Variants in ZBBX observed in about 807,000 individuals in gnomAD.
ZBBX encodes the protein zinc finger B-box domain containing, also known as zinc finger B-box domain-containing protein 1.
In ZBBX, 101 loss-of-function variants were observed where a neutral mutation model predicts 108.5. The ratio of observed to expected loss-of-function variants is 0.93; its 90% confidence interval spans 0.79 to 1.10. The LOEUF (loss-of-function observed/expected upper bound fraction) is 1.10, where lower values mean the gene tolerates loss of function less well. Ranked by LOEUF, ZBBX falls within the 50% of genes least tolerant of loss-of-function variation. ZBBX has a pLI of 0.00. For synonymous variants in ZBBX, 356 were observed against 323.4 expected (o/e 1.10, Z -1.08); for missense variants, 1,009 against 941.4 (o/e 1.07, Z -0.94).
At chr3:167,195,892 A>G in the ZBBX span, among the ~76,000 whole-genome samples, 11 of 152,332 alleles carry the variant, frequency 7.2e-5, no homozygotes, top group Middle Eastern at 3.4e-3. Flanking sequence ...GAAGTTCAAG[A>G]GTTTTATCTT....
chr3:167,265,226 G>A (rs930193228), intron 20 of ZBBX, among the ~76,000 whole-genome samples: 8 of 152,200 alleles, frequency 5.3e-5, no homozygotes, highest in Non-Finnish European at 1.0e-4. Context: ...AGAGTCCAAG[G>A]CCTGTGGTGT....
At chr3:167,185,847 G>A in the ZBBX span, among the ~76,000 whole-genome samples, 1 of 151,940 alleles carries the variant, frequency 6.6e-6, no homozygotes, top group Non-Finnish European at 1.5e-5. Flanking sequence ...CATTAATCTA[G>A]GTAGTTAAGA....
intron 20 of ZBBX, among the ~76,000 whole-genome samples, chr3:167,271,873 C>T (rs571872700): frequency 5.3e-5 from 8 of 152,236 alleles, no homozygotes; most frequent in African/African-American, 1.4e-4. Context: ...TTTTCAAATG[C>T]AACGGCCAAT....
chr3:167,214,108 C>A, the ZBBX span, among the ~76,000 whole-genome samples: 59 of 152,254 alleles, frequency 3.9e-4, no homozygotes, highest in African/African-American at 1.2e-3. Context: ...ACTAGTGTCA[C>A]TGTAAAGCAA....
intron 8 of ZBBX, among the ~76,000 whole-genome samples, chr3:167,357,495 C>T (rs1342720078): frequency 6.6e-6 from 1 of 152,044 alleles, no homozygotes; most frequent in Non-Finnish European, 1.5e-5. Context: ...CCAGTGATTC[C>T]AGTTCTAGGT....
chr3:167,261,811 G>T (rs1724593336), intron 20 of ZBBX, among the ~76,000 whole-genome samples: 2 of 150,492 alleles, frequency 1.3e-5, no homozygotes, highest in Admixed American at 6.6e-5. Flanking sequence ...TGGGGGCGGG[G>T]GCTTGGTTCT....
At chr3:167,367,607 A>G (rs569144154) in intron 5 of ZBBX, among the ~76,000 whole-genome samples, 1 of 151,352 alleles carries the variant, frequency 6.6e-6, no homozygotes, top group Non-Finnish European at 1.5e-5. Flanking sequence ...AAAGTAAACG[A>G]TACAATATAT....
the ZBBX span, among the ~76,000 whole-genome samples, chr3:167,192,124 T>C: frequency 6.6e-6 from 1 of 151,898 alleles, no homozygotes; most frequent in African/African-American, 2.4e-5. Flanking sequence ...CTTCATACTT[T>C]TAGTTATGAG....
At chr3:167,308,740 C>A (rs1475473340) in intron 16 of ZBBX, among the ~76,000 whole-genome samples, 1 of 152,026 alleles carries the variant, frequency 6.6e-6, no homozygotes, top group African/African-American at 2.4e-5. Flanking sequence ...TAAGAGGAAG[C>A]TAAATGGTGA....
At chr3:167,189,647 G>T in the ZBBX span, among the ~76,000 whole-genome samples, 1 of 152,202 alleles carries the variant, frequency 6.6e-6, no homozygotes, top group East Asian at 1.9e-4. Flanking sequence ...TTTCATTTTA[G>T]AACAGATTTA....
chr3:167,225,908 T>C, the ZBBX span, among the ~76,000 whole-genome samples: 1 of 151,570 alleles, frequency 6.6e-6, no homozygotes, highest in Non-Finnish European at 1.5e-5. Context: ...GTGCACAGGG[T>C]TCTAGTTATC....
At chr3:167,191,926 T>TAGAGAGAGAGAGAG in the ZBBX span, among the ~76,000 whole-genome samples, 16 of 127,414 alleles carry the variant, frequency 1.3e-4, no homozygotes, top group African/African-American at 5.3e-4. Context: ...TATATATATA[T>TAGAGAGAGAGAGAG]ATATATATAG....
At chr3:167,348,314 GAGAAAGAAAGAAAGAAAGAA>G (rs71176641) in intron 9 of ZBBX, among the ~76,000 whole-genome samples, 27 of 65,598 alleles carry the variant, frequency 4.1e-4, no homozygotes, top group African/African-American at 5.0e-4. Context: ...GAGAAAGAAA[GAGAAAGAAAGAAAGAAAGAA>G]AGAAAGAAAG....
intron 2 of ZBBX, among the ~76,000 whole-genome samples, chr3:167,378,640 A>AG (rs1747333955): frequency 6.6e-6 from 1 of 152,182 alleles, no homozygotes; most frequent in Non-Finnish European, 1.5e-5. Context: ...GTTCAGGGAA[A>AG]GGGGCAGCCT....
At chr3:167,342,261 A>C (rs933353877) in intron 9 of ZBBX, among the ~76,000 whole-genome samples, 3 of 151,826 alleles carry the variant, frequency 2.0e-5, no homozygotes, top group African/African-American at 7.2e-5. Context: ...GAGATAACAT[A>C]GGTAGCACCT....
intron 9 of ZBBX, among the ~76,000 whole-genome samples, chr3:167,349,798 G>A (rs1742321701): frequency 6.6e-6 from 1 of 151,964 alleles, no homozygotes; most frequent in Non-Finnish European, 1.5e-5. Flanking sequence ...TAAAATCTAT[G>A]ACAAAGCAAT....
the ZBBX span, among the ~76,000 whole-genome samples, chr3:167,214,029 G>A: frequency 7.2e-4 from 110 of 152,230 alleles, no homozygotes; most frequent in African/African-American, 2.6e-3. Flanking sequence ...AAGAGATCTT[G>A]AAAGAAGCAC....
chr3:167,190,602 G>A, the ZBBX span, among the ~76,000 whole-genome samples: 1 of 151,956 alleles, frequency 6.6e-6, no homozygotes, highest in Non-Finnish European at 1.5e-5. Flanking sequence ...GGATGGTCTC[G>A]ATCTCCCGAC....
intron 20 of ZBBX, among the ~76,000 whole-genome samples, chr3:167,279,419 G>A (rs932014823): frequency 6.6e-6 from 1 of 152,054 alleles, no homozygotes; most frequent in African/African-American, 2.4e-5. Flanking sequence ...CAAAATCAAT[G>A]TACAAAAATC....
Sources: allele counts gnomAD v4.1 joint callset (sites outside exome capture counted in the v4.1 genomes callset), GRCh38; gene constraint gnomAD v4.1.1; transcripts MANE v1.5; gene names NCBI Gene and HGNC (gene_info 2026-07-23, HGNC 2026-07-21).